OR51B5: variants seen among roughly 807,000 people sequenced by gnomAD.
OR51B5 encodes olfactory receptor 51B5.
For synonymous variants in OR51B5, 186 were observed against 144.8 expected, an observed-to-expected ratio of 1.28 and a Z score of -2.04; for missense variants, 456 against 374.6, an observed-to-expected ratio of 1.22 and a Z score of -1.79.
At chr11:5,478,415 A>C in intron 1 of OR51B5, among the ~76,000 whole-genome samples, 1 of 151,550 alleles carries the variant, frequency 6.6e-6, no homozygotes, top group African/African-American at 2.4e-5. Context: ...TGGGGAAAAA[A>C]CAGAACAGAA....
At chr11:5,473,854 AGT>A (rs71053262) in intron 1 of OR51B5, among the ~76,000 whole-genome samples, 31,075 of 149,992 alleles carry the variant, frequency 0.21, 3,195 homozygotes, top group Middle Eastern at 0.29. Context: ...TTACAAAATG[AGT>A]GTGTGTGTGT....
In OR51B5 at chr11:5,489,614, T is replaced by C. The variant is rs776555493; in HGVS notation, n.84+15955A>G. 4 of 1,613,806 alleles carry C rather than the reference T, an allele frequency of 2.5e-6. No individual in the cohort carries two copies. The South Asian group carries it at 3.3e-5, about 13-fold the overall frequency. Reference sequence around the variant, plus strand: ...CTCTATGGAGCTAGAACCAAGGAGATTCGGAGTCGACTTCTAAAACTGCTT... The same window carrying C: ...CTCTATGGAGCTAGAACCAAGGAGACTCGGAGTCGACTTCTAAAACTGCTT... On this transcript the variant is annotated intron_variant and non_coding_transcript_variant, in intron 1 of 4. Coordinates refer to the OR51B5 transcript ENST00000415970.
chr11:5,484,041 T>A (rs562664291), intron 1 of OR51B5, among the ~76,000 whole-genome samples: 1 of 152,004 alleles, frequency 6.6e-6, no homozygotes, highest in African/African-American at 2.4e-5. Context: ...CCACACTCTT[T>A]CTCCCACACA....
At chr11:5,385,341 G>A (rs1037965671) in intron 1 of OR51B5, 1 of 152,014 alleles carries the variant, frequency 6.6e-6, no homozygotes, top group African/African-American at 2.4e-5. Flanking sequence ...CCCTGTCATT[G>A]TCTCTGTATA....
chr11:5,488,562 G>A lies in OR51B5; in HGVS notation n.84+17007C>T, dbSNP rs116495086. 4.6e-3 allele frequency: 2,898 copies of A among 624,232 alleles called. 71 individuals carry two copies. The African/African-American group carries it at 0.048, about 10-fold the overall frequency. 38.7% of individuals were successfully genotyped at this position (624,232 alleles called of 1,614,324 possible). ...TATGTGGTAGTCATTTCAGATGTTT[G>A]TACAAGTGAAAAACAAATTTTTTTA... On this transcript the variant is annotated intron_variant and non_coding_transcript_variant, in intron 1 of 4. Coordinates refer to the OR51B5 transcript ENST00000415970.
At chr11:5,378,416 C>T (rs896452929) in intron 1 of OR51B5, among the ~76,000 whole-genome samples, 2 of 152,086 alleles carry the variant, frequency 1.3e-5, no homozygotes, top group Admixed American at 6.6e-5. Context: ...GACTTCATGT[C>T]TAAAACACCA....
At chr11:5,412,670 G>C (rs7109708) in intron 1 of OR51B5, among the ~76,000 whole-genome samples, 124,888 of 152,012 alleles carry the variant, frequency 0.82, 52,133 homozygotes, top group Non-Finnish European at 0.89. Flanking sequence ...GTCCTACGCC[G>C]ACGGAGTCTC....
intron 1 of OR51B5, among the ~76,000 whole-genome samples, chr11:5,495,637 T>C (rs1033076087): frequency 5.9e-5 from 9 of 151,696 alleles, no homozygotes; most frequent in African/African-American, 2.2e-4. Context: ...ACAAAAGAAA[T>C]CATCAAATCA....
intron 1 of OR51B5, among the ~76,000 whole-genome samples, chr11:5,495,226 A>G (rs75970116): frequency 0.014 from 2,169 of 152,324 alleles, 45 homozygotes; most frequent in African/African-American, 0.046. Flanking sequence ...CAGTTCTTCA[A>G]GTTGAAATGA....
chr11:5,454,320 A>C, intron 1 of OR51B5: 3 of 1,614,144 alleles, frequency 1.9e-6, no homozygotes, highest in Non-Finnish European at 2.5e-6. Context: ...CCTCATGTCA[A>C]ATGTGTACCT....
intron 1 of OR51B5, among the ~76,000 whole-genome samples, chr11:5,372,829 T>A (rs2133708416): frequency 6.6e-6 from 1 of 152,294 alleles, no homozygotes; most frequent in Non-Finnish European, 1.5e-5. Context: ...ATTTGAAAAT[T>A]TGTATGAAAC....
intron 1 of OR51B5, among the ~76,000 whole-genome samples, chr11:5,493,661 C>G (rs933253103): frequency 2.6e-5 from 4 of 152,156 alleles, no homozygotes; most frequent in Non-Finnish European, 5.9e-5. Context: ...ACTGTGTTGA[C>G]CACTCCAGGC....
At chr11:5,402,565 G>A (rs1489720096) in intron 1 of OR51B5, 7 of 446,844 alleles carry the variant, frequency 1.6e-5, no homozygotes, top group South Asian at 1.0e-4. Flanking sequence ...AATTTTCAAG[G>A]TGGCACTGAT....
intron 1 of OR51B5, among the ~76,000 whole-genome samples, chr11:5,467,431 A>C (rs935473688): frequency 6.6e-6 from 1 of 152,226 alleles, no homozygotes; most frequent in Non-Finnish European, 1.5e-5. Context: ...AAAAAAAATT[A>C]TTAGCTATTG....
At chr11:5,364,134 G>A (rs79140377) in intron 1 of OR51B5, among the ~76,000 whole-genome samples, 549 of 152,234 alleles carry the variant, frequency 3.6e-3, no homozygotes, top group Middle Eastern at 0.01. Flanking sequence ...CAACACTAAA[G>A]AAAGAGTAAA....
intron 1 of OR51B5, among the ~76,000 whole-genome samples, chr11:5,357,837 T>C (rs1849218821): frequency 6.6e-6 from 1 of 151,334 alleles, no homozygotes; most frequent in Non-Finnish European, 1.5e-5. Flanking sequence ...ATTAAGAAAC[T>C]CACTCAAAAC....
chr11:5,413,812 G>A (rs1012224477), intron 1 of OR51B5, among the ~76,000 whole-genome samples: 1 of 151,760 alleles, frequency 6.6e-6, no homozygotes, highest in Non-Finnish European at 1.5e-5. Context: ...TCTGATTGGT[G>A]TACCTGAAAG....
At chr11:5,341,754 A>T (rs1848896897), downstream of OR51B5, among the ~76,000 whole-genome samples, 2 of 152,150 alleles carry the variant, frequency 1.3e-5, no homozygotes, top group Admixed American at 1.3e-4. Flanking sequence ...AAGGAGGGTG[A>T]AGGAACTGTC....
intron 1 of OR51B5, chr11:5,423,030 T>C (rs558645887): frequency 6.2e-7 from 1 of 1,614,084 alleles, no homozygotes; most frequent in South Asian, 1.1e-5. Flanking sequence ...GTCCATGTTA[T>C]CATGGCCAAT....
Sources: allele counts gnomAD v4.1 joint callset (sites outside exome capture counted in the v4.1 genomes callset), GRCh38; gene constraint gnomAD v4.1.1; transcripts MANE v1.5; gene names NCBI Gene and HGNC (gene_info 2026-07-23, HGNC 2026-07-21).